Variants in MLLT3 observed in about 807,000 individuals in gnomAD.
The protein encoded by MLLT3 is protein AF-9.
In MLLT3, 4 loss-of-function variants were observed where a neutral mutation model predicts 53.2. The ratio of observed to expected loss-of-function variants is 0.08; its 90% confidence interval spans 0.04 to 0.17. The LOEUF is 0.17. Ranked by LOEUF, MLLT3 falls within the 10% of genes least tolerant of loss-of-function variation. The pLI is 1.00. For synonymous variants in MLLT3, 283 were observed against 230.6 expected, an observed-to-expected ratio of 1.23 and a Z score of -2.06; for missense variants, 569 against 684.0, an observed-to-expected ratio of 0.83 and a Z score of 1.87.
At chr9:20,613,564 A>G in intron 2 of MLLT3, among the ~76,000 whole-genome samples, 1 of 151,958 alleles carries the variant, frequency 6.6e-6, no homozygotes, top group Non-Finnish European at 1.5e-5. Flanking sequence ...TGTTTGTTAT[A>G]TCATTCTCTG....
chr9:20,397,513 G>T (rs772579658), intron 5 of MLLT3, among the ~76,000 whole-genome samples: 25 of 152,058 alleles, frequency 1.6e-4, no homozygotes, highest in Admixed American at 3.3e-4. Flanking sequence ...GGAACATGTA[G>T]GGCCCTATAA....
chr9:20,522,456 A>C (rs530101762), intron 2 of MLLT3, among the ~76,000 whole-genome samples: 1 of 152,304 alleles, frequency 6.6e-6, no homozygotes, highest in Admixed American at 6.5e-5. Flanking sequence ...AACAGTAATT[A>C]TATCTTCTCT....
intron 5 of MLLT3, among the ~76,000 whole-genome samples, chr9:20,384,277 G>A (rs1009337873): frequency 2.0e-5 from 3 of 151,996 alleles, no homozygotes; most frequent in Non-Finnish European, 4.4e-5. Flanking sequence ...ACAGAGGTGG[G>A]CCAAAACCTC....
At chr9:20,512,050 C>A (rs534590842) in intron 2 of MLLT3, among the ~76,000 whole-genome samples, 2 of 152,300 alleles carry the variant, frequency 1.3e-5, no homozygotes, top group South Asian at 4.2e-4. Context: ...CAAGTCTGAG[C>A]TGAAGATGAG....
intron 2 of MLLT3, among the ~76,000 whole-genome samples, chr9:20,554,913 G>A (rs544606117): frequency 6.6e-6 from 1 of 152,188 alleles, no homozygotes; most frequent in African/African-American, 2.4e-5. Flanking sequence ...TACTCAAACG[G>A]AAGTGGCTAA....
intron 5 of MLLT3, among the ~76,000 whole-genome samples, chr9:20,389,740 G>A (rs1050518194): frequency 9.9e-5 from 15 of 152,078 alleles, no homozygotes; most frequent in African/African-American, 3.4e-4. Flanking sequence ...CGACCACACC[G>A]CTGACTCCAG....
chr9:20,465,433 A>G (rs892920446), intron 2 of MLLT3, among the ~76,000 whole-genome samples: 1 of 152,132 alleles, frequency 6.6e-6, no homozygotes, highest in African/African-American at 2.4e-5. Context: ...TTCATTTTTT[A>G]TTCTGACCCT....
intron 2 of MLLT3, among the ~76,000 whole-genome samples, chr9:20,488,997 G>C (rs1824880667): frequency 6.6e-6 from 1 of 152,170 alleles, no homozygotes; most frequent in South Asian, 2.1e-4. Flanking sequence ...CATTTTATCT[G>C]TCTTCTTGGG....
intron 2 of MLLT3, among the ~76,000 whole-genome samples, chr9:20,565,539 C>T (rs1819331784): frequency 6.6e-6 from 1 of 152,032 alleles, no homozygotes; most frequent in African/African-American, 2.4e-5. Flanking sequence ...CTAGGTAATT[C>T]AACTTAATAT....
chr9:20,366,436 G>C lies in MLLT3; in HGVS notation c.1126-692C>G, dbSNP rs147366167. On this transcript the variant is annotated intron_variant, in intron 5 of 10. Transcript: ENST00000380338. ...ACATGTGCCACATGTTCTTTATCCAGTCTATCACTGATGGGCATTTGGGTT... is the reference window on the plus strand; with the variant it reads ...ACATGTGCCACATGTTCTTTATCCACTCTATCACTGATGGGCATTTGGGTT... 8.6e-3 allele frequency among the ~76,000 whole-genome samples: 1,311 copies of C among 152,284 alleles called. 15 individuals carry two copies. Among genetic ancestry groups the C allele is most frequent in the African/African-American group, 0.029 (1,203 of 41,546 alleles).
In MLLT3 at chr9:20,595,897, C is replaced by T. The variant is rs571286195; in HGVS notation, c.193+24757G>A. On this transcript the variant is annotated intron_variant, in intron 2 of 10. Coordinates refer to ENST00000380338, the MANE Select transcript of MLLT3 (RefSeq NM_004529.4). The stretch of plus-strand genomic sequence containing the variant: ...TTTCTCTACCTAGCTCTGTCCAATA[C>T]GGCAGCCACTAGCTACCCATGACTG... Among the ~76,000 whole-genome samples, 8 of 152,312 alleles carry T rather than the reference C, an allele frequency of 5.3e-5. No homozygotes were observed. In the East Asian group the frequency reaches 7.7e-4, roughly 15 times the overall value.
chr9:20,363,429 G>C (rs757860449), intron 7 of MLLT3, 47 bp downstream of exon 7: 1 of 1,604,306 alleles, frequency 6.2e-7, no homozygotes, highest in Non-Finnish European at 8.5e-7. Context: ...GCTTGTGAAA[G>C]AGTCTGACTT....
intron 2 of MLLT3, among the ~76,000 whole-genome samples, chr9:20,591,120 A>G (rs1233975324): frequency 6.6e-6 from 1 of 152,150 alleles, no homozygotes; most frequent in African/African-American, 2.4e-5. Context: ...CAATTTTAGT[A>G]TATACCTAGT....
At chr9:20,495,881 G>T (rs964462912) in intron 2 of MLLT3, among the ~76,000 whole-genome samples, 1 of 152,022 alleles carries the variant, frequency 6.6e-6, no homozygotes, top group Non-Finnish European at 1.5e-5. Flanking sequence ...ATAGGCCCTC[G>T]GCTCACAGTA....
Position 20,360,789 on chromosome 9 carries a change from G to C in MLLT3, c.1384C>G (p.Leu462Val), listed in dbSNP as rs1821302829. ...AAGGGTGGTGGAGGTTCGTGATGTA[G>C]GGGTGAAGAAGCAGAACTGCTTTCA... ...DSESSSASSP[L>V]HHEPPPPLLK... is the part of the protein sequence containing the mutation. Residue 462 changes from leucine to valine, a missense_variant, in exon 8 of 11, where the codon CTA becomes GTA. This residue lies in a region of MLLT3 where 437 missense variants were observed against 376.5 expected (regional missense o/e 1.16). Transcript: ENST00000380338. The C allele has an allele frequency of 1.9e-6, 3 of 1,614,134 alleles. No homozygotes were observed. The highest frequency in any genetic ancestry group is 2.2e-5 in the East Asian group (1 of 44,890).
At chr9:20,420,536 A>G (rs537595927) in intron 4 of MLLT3, among the ~76,000 whole-genome samples, 4 of 152,352 alleles carry the variant, frequency 2.6e-5, no homozygotes, top group African/African-American at 2.4e-5. Context: ...ATAAAGCAAA[A>G]GGTATTTAAT....
In MLLT3 at chr9:20,448,322, T is replaced by G; in HGVS notation, c.277-56A>C. 6.4e-7 allele frequency: 1 copy of G among 1,565,040 alleles called. No homozygotes were observed. The highest frequency in any genetic ancestry group is 8.7e-7 in the Non-Finnish European group (1 of 1,149,960). Reference sequence around the variant, plus strand: ...AAGAGAGTGAGGCATAAGTGAAATTTTAAAAGCAAAAATTTACTCCTCATA... The same window carrying G: ...AAGAGAGTGAGGCATAAGTGAAATTGTAAAAGCAAAAATTTACTCCTCATA... On this transcript the variant is annotated intron_variant, in intron 3 of 10. Transcript: ENST00000380338. This position sits in a 1 kb window ranked among gnomAD's most constrained non-coding sequence, Gnocchi z 4.0.
intron 2 of MLLT3, among the ~76,000 whole-genome samples, chr9:20,534,284 C>T (rs1441102866): frequency 6.6e-6 from 1 of 152,142 alleles, no homozygotes; most frequent in Non-Finnish European, 1.5e-5. Flanking sequence ...ACAGCAATGG[C>T]AACGATGGGA....
chr9:20,524,708 A>G (rs1319340382), intron 2 of MLLT3, among the ~76,000 whole-genome samples: 1 of 152,142 alleles, frequency 6.6e-6, no homozygotes, highest in East Asian at 1.9e-4. Context: ...CTCAAGTGTG[A>G]TTATCACTCA....
Sources: allele counts gnomAD v4.1 joint callset (sites outside exome capture counted in the v4.1 genomes callset), GRCh38; gene constraint gnomAD v4.1.1; regional missense constraint gnomAD v4.1.1; non-coding constraint Gnocchi (gnomAD v3.1); transcripts MANE v1.5; gene names NCBI Gene and HGNC (gene_info 2026-07-23, HGNC 2026-07-21).